The following ERMARD variants were observed in gnomAD, a reference collection of about 807,000 sequenced individuals.
ERMARD encodes endoplasmic reticulum membrane-associated RNA degradation protein.
A neutral mutation model predicts 83.9 loss-of-function variants in ERMARD; 71 were observed. That is an observed-to-expected ratio of 0.85 (90% CI 0.70 to 1.03). The LOEUF is 1.03. Ranked by LOEUF, ERMARD falls within the 50% of genes least tolerant of loss-of-function variation. ERMARD has a pLI of 0.00. For synonymous variants in ERMARD, 284 were observed against 298.6 expected (o/e 0.95, Z 0.50); for missense variants, 838 against 810.9 (o/e 1.03, Z -0.41).
At chr6:169,755,229 T>C (rs1790647163) in intron 2 of ERMARD, 54 bp from the exon 3 acceptor site, 1 of 1,560,410 alleles carries the variant, frequency 6.4e-7, no homozygotes, top group South Asian at 1.2e-5. Flanking sequence ...GTAGATATTT[T>C]ATATCATGTG....
At chr6:169,759,708 C>T (rs1791278143) in intron 6 of ERMARD, 130 bp from the exon 7 acceptor site, 1 of 888,178 alleles carries the variant, frequency 1.1e-6, no homozygotes, top group African/African-American at 1.7e-5. Flanking sequence ...AGGCATGAGC[C>T]ACCGTGATCG....
chr6:169,754,852 A>T (rs1432085145), intron 2 of ERMARD, among the ~76,000 whole-genome samples: 1 of 152,222 alleles, frequency 6.6e-6, no homozygotes, highest in African/African-American at 2.4e-5. Context: ...TGTTTAAAAC[A>T]ATTCATTGCC....
intron 1 of ERMARD, among the ~76,000 whole-genome samples, 165 bp from the exon 2 acceptor site, chr6:169,753,692 CTTTAATA>C (rs1563005972): frequency 6.6e-6 from 1 of 152,080 alleles, no homozygotes; most frequent in African/African-American, 2.4e-5. Flanking sequence ...TGTAAATTAT[CTTTAATA>C]TTTAATCACT....
Position 169,755,393 on chromosome 6 carries a change from C to G in ERMARD, c.286C>G (p.Pro96Ala). 1 of 1,614,116 alleles carries G rather than the reference C, an allele frequency of 6.2e-7. No homozygotes were observed. Among genetic ancestry groups the G allele is most frequent in the East Asian group, 2.2e-5 (1 of 44,874 alleles). Residue 96 changes from proline to alanine, a missense_variant, in exon 3 of 18, where the codon CCG becomes GCG. Coordinates refer to ENST00000366773, the MANE Select transcript of ERMARD (RefSeq NM_018341.3). ...TKGQFEIRYAPWFQWTSFPEL... is the reference protein window; with the variant it reads ...TKGQFEIRYAAWFQWTSFPEL... ...GGGGCAATTTGAAATTCGATATGCACCGTGGTTCCAGTGGACAAGTTTTCC... is the reference window on the plus strand; with the variant it reads ...GGGGCAATTTGAAATTCGATATGCAGCGTGGTTCCAGTGGACAAGTTTTCC...
At chr6:169,780,421 A>G (rs554577896) in intron 17 of ERMARD, among the ~76,000 whole-genome samples, 1 of 152,342 alleles carries the variant, frequency 6.6e-6, no homozygotes, top group East Asian at 1.9e-4. Context: ...TTAAGTTTGA[A>G]TATTTTCAAG....
intron 15 of ERMARD, 190 bp downstream of exon 15, chr6:169,776,255 G>C (rs1793577567): frequency 6.5e-7 from 1 of 1,540,380 alleles, no homozygotes. Context: ...ATCTGATGAG[G>C]CTGTGAATGC....
chr6:169,775,305 T>G lies in ERMARD; in HGVS notation c.1353T>G (p.Ala451=). 6.2e-7 allele frequency: 1 copy of G among 1,614,226 alleles called. No individual in the cohort carries two copies. The highest frequency in any genetic ancestry group is 8.5e-7 in the Non-Finnish European group (1 of 1,180,040). ...GTGAGGAGAGCATCAGGGTTTGGGC[T>G]CTGCTGCCTTTCCCCGAAGAACTCA... is the stretch of plus-strand genomic sequence containing the variant. ...LSCEESIRVW[A]LLPFPEELTR... The change falls in exon 14 of 18, where the codon GCT becomes GCG. Residue 451 remains alanine, a synonymous_variant. Coordinates refer to ENST00000366773, the MANE Select transcript of ERMARD (RefSeq NM_018341.3).
rs144951263 is a variant in ERMARD, at chr6:169,781,342, G to A, written c.1866G>A (p.Ser622=). 13 of 1,598,250 alleles carry A rather than the reference G, an allele frequency of 8.1e-6. No individual in the cohort carries two copies. Among genetic ancestry groups the A allele is most frequent in the South Asian group, 2.3e-5 (2 of 85,618 alleles). ...EYQQYLKFVK[S]ILQYTENLVA... ...TTTTTTTTTACAGGTTTGTAAAGTC[G>A]ATCTTGCAGTACACGGAGAACCTGG... The change falls in exon 18 of 18, where the codon TCG becomes TCA. Residue 622 remains serine (S), a synonymous_variant. Transcript: ENST00000366773.
At chr6:169,776,877 C>A (rs1793670810) in intron 16 of ERMARD, among the ~76,000 whole-genome samples, 1 of 152,166 alleles carries the variant, frequency 6.6e-6, no homozygotes, top group Admixed American at 6.5e-5. Context: ...TTTACTTTCC[C>A]AGGGTTAAGG....
At chr6:169,763,174 C>G (rs576805615) in intron 9 of ERMARD, among the ~76,000 whole-genome samples, 2 of 152,306 alleles carry the variant, frequency 1.3e-5, no homozygotes, top group Non-Finnish European at 2.9e-5. Flanking sequence ...TGATAAGATC[C>G]TGCTGCTTAG....
At chr6:169,766,355 A>G (rs1303423254) in intron 9 of ERMARD, among the ~76,000 whole-genome samples, 1 of 152,218 alleles carries the variant, frequency 6.6e-6, no homozygotes, top group Non-Finnish European at 1.5e-5. Context: ...GCGATTTGTG[A>G]GGGCCTGGGA....
chr6:169,762,788 TCTAG>T (rs1342802710), intron 9 of ERMARD, among the ~76,000 whole-genome samples: 1 of 152,236 alleles, frequency 6.6e-6, no homozygotes, highest in African/African-American at 2.4e-5. Context: ...TGGTTCTCTC[TCTAG>T]CTGTGTTGAT....
chr6:169,773,063 CCA>C (rs1208539124), intron 12 of ERMARD: 1 of 391,500 alleles, frequency 2.6e-6, no homozygotes, highest in African/African-American at 2.1e-5. Context: ...TTATTCATCT[CCA>C]GTTTTGTGCA....
At chr6:169,767,827 C>T in intron 10 of ERMARD, 3 of 449,064 alleles carry the variant, frequency 6.7e-6, no homozygotes, top group Non-Finnish European at 1.2e-5. Context: ...CCCCACACCA[C>T]ATATGCACAT....
intron 8 of ERMARD, among the ~76,000 whole-genome samples, chr6:169,761,621 G>T (rs1791563073): frequency 6.6e-6 from 1 of 152,174 alleles, no homozygotes; most frequent in Admixed American, 6.5e-5. Flanking sequence ...TAAAACACTG[G>T]AAAATGTTTT....
At position 169,759,109 on chromosome 6, in the gene ERMARD, C is replaced by CAA. The variant is rs1206262307; in HGVS notation, c.605+46_605+47dup. 3 of 1,493,418 alleles carry CAA rather than the reference C, an allele frequency of 2.0e-6. No homozygotes were observed. The South Asian group carries it at 3.6e-5, about 18-fold the overall frequency. The allele number at this position is 1,493,418 out of a possible 1,614,324, so 92.5% of individuals were successfully genotyped here. On this transcript the variant is annotated intron_variant, in intron 6 of 17. Transcript: ENST00000366773. ...CATTTTCTTCCTTTTTTGGATCTACCAAAGAGTTTTTTAAATTTTGAATTT... is the reference window on the plus strand; with the variant it reads ...CATTTTCTTCCTTTTTTGGATCTACCAAAAAGAGTTTTTTAAATTTTGAATTT...
chr6:169,765,633 C>T (rs1585379643), intron 9 of ERMARD, among the ~76,000 whole-genome samples: 1 of 152,284 alleles, frequency 6.6e-6, no homozygotes, highest in African/African-American at 2.4e-5. Context: ...GCTAGCAATA[C>T]AGATTTCAGA....
intron 13 of ERMARD, among the ~76,000 whole-genome samples, chr6:169,774,119 A>G (rs1001400286): frequency 6.6e-6 from 1 of 152,168 alleles, no homozygotes; most frequent in Non-Finnish European, 1.5e-5. Context: ...GCGGATCACA[A>G]CGTCAGGAGA....
intron 9 of ERMARD, among the ~76,000 whole-genome samples, chr6:169,764,602 A>G (rs1791968393): frequency 1.3e-5 from 2 of 151,788 alleles, no homozygotes; most frequent in Non-Finnish European, 2.9e-5. Context: ...TGATATTCTT[A>G]CGTTATTTAT....
Sources: gnomAD v4.1 joint callset for allele counts (sites outside exome capture counted in the v4.1 genomes callset) on GRCh38, gnomAD v4.1.1 for gene constraint, MANE v1.5 for transcripts, NCBI Gene and HGNC (gene_info 2026-07-23, HGNC 2026-07-21) for gene names.